Variants in PDS5A observed in about 807,000 individuals in gnomAD.
PDS5A encodes sister chromatid cohesion protein PDS5 homolog A.
In PDS5A, 42 loss-of-function variants were observed where a neutral mutation model predicts 167.1. The observed-to-expected ratio is 0.25, with a 90% CI of 0.20 to 0.33. The LOEUF (loss-of-function observed/expected upper bound fraction) is 0.33. PDS5A is among the 10% of genes least tolerant of loss of function. The pLI, the probability that PDS5A is intolerant of heterozygous loss-of-function variation, is 1.00. For synonymous variants in PDS5A, 553 were observed against 554.6 expected, an observed-to-expected ratio of 1.00 and a Z score of 0.04; for missense variants, 1,033 against 1,605.9, an observed-to-expected ratio of 0.64 and a Z score of 6.10.
intron 23 of PDS5A, 103 bp from the exon 24 acceptor site, chr4:39,863,562 T>C (rs561739212): frequency 1.2e-4 from 89 of 728,270 alleles, no homozygotes; most frequent in Non-Finnish European, 1.8e-4. Context: ...GCATAATTTA[T>C]GTTTAAAATG....
chr4:39,975,299 A>G (rs1028263437), intron 2 of PDS5A, among the ~76,000 whole-genome samples: 1 of 152,132 alleles, frequency 6.6e-6, no homozygotes, highest in Non-Finnish European at 1.5e-5. Flanking sequence ...AAGGCAACAA[A>G]TTGCAGAACC....
intron 2 of PDS5A, among the ~76,000 whole-genome samples, chr4:39,962,143 C>T (rs184212143): frequency 1.3e-5 from 2 of 152,042 alleles, no homozygotes; most frequent in South Asian, 2.1e-4. Flanking sequence ...CTGCAAGCTC[C>T]GCCTCCCGGG....
chr4:39,877,171 G>C lies in PDS5A; in HGVS notation c.1993-18C>G. ...GACAGAACCTGAAAAAACAGATACA[G>C]CTTTAGAAGTACAGACAATGGTTTT... On this transcript the variant is annotated intron_variant, in intron 18 of 32. Coordinates refer to ENST00000303538, the MANE Select transcript of PDS5A (RefSeq NM_001100399.2). The C allele has an allele frequency of 6.7e-7, 1 of 1,483,062 alleles. No homozygotes were observed. Among genetic ancestry groups the C allele is most frequent in the South Asian group, 1.3e-5 (1 of 74,426 alleles). The allele number at this position is 1,483,062 out of a possible 1,614,324, so 91.9% of individuals were successfully genotyped here.
At chr4:39,871,041 T>C (rs893408757) in intron 21 of PDS5A, among the ~76,000 whole-genome samples, 2 of 152,060 alleles carry the variant, frequency 1.3e-5, no homozygotes, top group Non-Finnish European at 2.9e-5. Flanking sequence ...CCTGAGAACA[T>C]GCTAAGTGAA....
chr4:39,969,201 G>A (rs113614380), intron 2 of PDS5A, among the ~76,000 whole-genome samples: 53 of 152,314 alleles, frequency 3.5e-4, no homozygotes, highest in African/African-American at 1.2e-3. Flanking sequence ...AGTAGCAGAA[G>A]TTAATGACAC....
intron 16 of PDS5A, 54 bp downstream of exon 16, chr4:39,898,335 T>C (rs1299411880): frequency 6.8e-7 from 1 of 1,477,948 alleles, no homozygotes; most frequent in South Asian, 1.4e-5. Context: ...TTTAATAAAA[T>C]ACATATTTCT....
intron 2 of PDS5A, among the ~76,000 whole-genome samples, chr4:39,936,584 C>T (rs1019117545): frequency 2.0e-5 from 3 of 152,004 alleles, no homozygotes; most frequent in Non-Finnish European, 4.4e-5. Context: ...CATACCACCA[C>T]ATCTGGCTAA....
intron 2 of PDS5A, among the ~76,000 whole-genome samples, chr4:39,954,343 G>C (rs570944079): frequency 1.3e-5 from 2 of 152,026 alleles, no homozygotes; most frequent in Admixed American, 6.6e-5. Context: ...CTTGGTGACA[G>C]AGCGAGACCC....
intron 2 of PDS5A, among the ~76,000 whole-genome samples, chr4:39,962,336 G>T (rs547215619): frequency 6.6e-6 from 1 of 151,930 alleles, no homozygotes; most frequent in Non-Finnish European, 1.5e-5. Context: ...GATTACAGGC[G>T]TAAGCCACCG....
At chr4:39,944,382 A>G (rs1322007110) in intron 2 of PDS5A, among the ~76,000 whole-genome samples, 1 of 152,022 alleles carries the variant, frequency 6.6e-6, no homozygotes, top group Admixed American at 6.6e-5. Context: ...GTCCTAAAAC[A>G]TTATGAGTGG....
chr4:39,862,826 T>G (rs201737768), intron 25 of PDS5A, 43 bp downstream of exon 25: 5 of 1,281,372 alleles, frequency 3.9e-6, no homozygotes, highest in Non-Finnish European at 5.6e-6. Context: ...AATGGATACA[T>G]TGACAAAATA....
intron 17 of PDS5A, among the ~76,000 whole-genome samples, chr4:39,886,638 A>G (rs12501072): frequency 0.69 from 105,152 of 151,656 alleles, 38,166 homozygotes; most frequent in Middle Eastern, 0.85. Context: ...GCTCGAACAC[A>G]GGAGGTGGAG....
intron 31 of PDS5A, among the ~76,000 whole-genome samples, chr4:39,841,094 G>A (rs1235726646): frequency 6.6e-6 from 1 of 152,028 alleles, no homozygotes; most frequent in Non-Finnish European, 1.5e-5. Context: ...CAAAGCAAAG[G>A]GCTGATCTCT....
intron 30 of PDS5A, among the ~76,000 whole-genome samples, chr4:39,842,903 CTATTTTTATATATATATATA>C (rs1289819323): frequency 3.3e-4 from 8 of 23,986 alleles, no homozygotes; most frequent in Admixed American, 2.0e-3. Flanking sequence ...TAAACTTATC[CTATTTTTATATATATATATA>C]TATATATATA....
rs754094525 is a variant in PDS5A, at chr4:39,925,947, AAAT to A, written c.430-17_430-15del. ...CCAAGCTAAATTCTTAAATAAATAAAAATAATTATTGAATTATACATATATACA... is the reference window on the plus strand; with the variant it reads ...CCAAGCTAAATTCTTAAATAAATAAAAATTATTGAATTATACATATATACA... On this transcript the variant is annotated splice_polypyrimidine_tract_variant and intron_variant, in intron 4 of 32. Transcript: ENST00000303538. The A allele has an allele frequency of 3.1e-6, 3 of 975,812 alleles. No individual in the cohort carries two copies. The highest frequency in any genetic ancestry group is 2.1e-5 in the South Asian group (1 of 48,578). 60.4% of individuals were successfully genotyped at this position (975,812 alleles called of 1,614,324 possible).
At chr4:39,930,274 T>TTTAA (rs1725939033) in intron 2 of PDS5A, among the ~76,000 whole-genome samples, 1 of 143,562 alleles carries the variant, frequency 7.0e-6, no homozygotes, top group African/African-American at 2.5e-5. Context: ...TTTTTTTTTT[T>TTTAA]AAGAGACAGG....
chr4:39,848,605 T>G (rs1014246709), intron 28 of PDS5A: 1 of 407,258 alleles, frequency 2.5e-6, no homozygotes, highest in Non-Finnish European at 4.4e-6. Context: ...TAAAATAATT[T>G]TAAAAATCTG....
At chr4:39,843,302 G>C (rs1209305795) in intron 30 of PDS5A, among the ~76,000 whole-genome samples, 1 of 151,976 alleles carries the variant, frequency 6.6e-6, no homozygotes, top group African/African-American at 2.4e-5. Flanking sequence ...CTACTAAAGC[G>C]CTGGGATCAC....
chr4:39,942,418 A>G (rs1314896169), intron 2 of PDS5A, among the ~76,000 whole-genome samples: 1 of 152,130 alleles, frequency 6.6e-6, no homozygotes, highest in Admixed American at 6.6e-5. Context: ...ATACGCTCTT[A>G]CTAAATTCTT....
Sources: allele counts gnomAD v4.1 joint callset (sites outside exome capture counted in the v4.1 genomes callset), GRCh38; gene constraint gnomAD v4.1.1; transcripts MANE v1.5; gene names NCBI Gene and HGNC (gene_info 2026-07-23, HGNC 2026-07-21).